SIK3: variants seen among roughly 807,000 people sequenced by gnomAD.
SIK3 encodes the protein serine/threonine-protein kinase SIK3.
In SIK3, 28 loss-of-function variants were observed where a neutral mutation model predicts 144.2. That is an observed-to-expected ratio of 0.19 (90% CI 0.14 to 0.27). SIK3 has a LOEUF of 0.27. Ranked by LOEUF, SIK3 falls within the 10% of genes least tolerant of loss-of-function variation. The pLI is 1.00. For missense variants in SIK3, 1,319 were observed against 1,776.0 expected (o/e 0.74, Z 4.62); for synonymous variants, 686 against 676.3 (o/e 1.01, Z -0.22).
At chr11:117,015,390 T>A (rs140483812) in intron 1 of SIK3, among the ~76,000 whole-genome samples, 2 of 152,132 alleles carry the variant, frequency 1.3e-5, no homozygotes, top group South Asian at 4.1e-4. Flanking sequence ...CTTAAACTGC[T>A]ATAACCACTT....
intron 3 of SIK3, among the ~76,000 whole-genome samples, chr11:116,953,080 G>A (rs1180139802): frequency 1.3e-5 from 2 of 151,828 alleles, no homozygotes; most frequent in Non-Finnish European, 2.9e-5. Context: ...ACACTAGATC[G>A]CTAGGGAAAC....
intron 21 of SIK3, among the ~76,000 whole-genome samples, chr11:116,851,431 G>T (rs1329405159): frequency 1.3e-5 from 2 of 152,178 alleles, no homozygotes; most frequent in Non-Finnish European, 2.9e-5. Context: ...AGGATTTCAG[G>T]TCTCTGTATT....
intron 1 of SIK3, among the ~76,000 whole-genome samples, chr11:116,978,672 A>AT (rs939830282): frequency 2.0e-5 from 3 of 151,274 alleles, no homozygotes; most frequent in South Asian, 2.1e-4. Context: ...CCCAGATAAT[A>AT]TTTTTTTTAA....
intron 1 of SIK3, among the ~76,000 whole-genome samples, chr11:117,027,126 C>T (rs1952044247): frequency 6.6e-6 from 1 of 152,156 alleles, no homozygotes; most frequent in African/African-American, 2.4e-5. Flanking sequence ...TACAGTCATC[C>T]AGATGCGATG....
intron 3 of SIK3, among the ~76,000 whole-genome samples, chr11:116,937,238 A>C (rs1377182331): frequency 1.3e-5 from 2 of 152,222 alleles, no homozygotes; most frequent in Non-Finnish European, 1.5e-5. Flanking sequence ...ACAAATATGC[A>C]TGTGTATGTA....
Position 116,861,291 on chromosome 11 carries a change from G to T in SIK3, c.2408C>A (p.Ala803Asp), listed in dbSNP as rs770743256. The change falls in exon 19 of 25, where the codon GCC (alanine) becomes GAC (aspartate). Residue 803 changes from alanine (A) to aspartate (D), a missense_variant. This residue lies in a region of SIK3 where 646 missense variants were observed against 763.7 expected (regional missense o/e 0.85). Transcript: ENST00000445177. ...PSNSPPPMSS[A>D]MIQPHGAASS... Reference sequence around the variant, plus strand: ...CCACTCACCGTGAGGCTGGATCATGGCACTGCTCATGGGGGGAGGACTATT... The same window carrying T: ...CCACTCACCGTGAGGCTGGATCATGTCACTGCTCATGGGGGGAGGACTATT... 5 of 1,594,436 alleles carry T rather than the reference G, an allele frequency of 3.1e-6. No homozygotes were observed. The South Asian group carries it at 5.7e-5, about 18-fold the overall frequency.
intron 3 of SIK3, among the ~76,000 whole-genome samples, chr11:116,932,040 C>T (rs774009165): frequency 2.6e-5 from 4 of 152,148 alleles, no homozygotes; most frequent in Admixed American, 1.3e-4. Flanking sequence ...ACTTTTATGG[C>T]ATCTTTCATT....
chr11:117,011,046 G>C (rs1951230751), intron 1 of SIK3, among the ~76,000 whole-genome samples: 1 of 152,170 alleles, frequency 6.6e-6, no homozygotes, highest in African/African-American at 2.4e-5. Flanking sequence ...CTTGAGCATG[G>C]GAGGCAGAGG....
chr11:116,893,632 C>T (rs944686696), intron 6 of SIK3, among the ~76,000 whole-genome samples: 1 of 152,028 alleles, frequency 6.6e-6, no homozygotes, highest in East Asian at 1.9e-4. Flanking sequence ...GATCACACCA[C>T]TGCATTCCAA....
chr11:117,014,237 T>TA (rs1405758389), intron 1 of SIK3, among the ~76,000 whole-genome samples: 2 of 151,946 alleles, frequency 1.3e-5, no homozygotes, highest in Non-Finnish European at 2.9e-5. Flanking sequence ...AACCAAGTCT[T>TA]ACATCTCTTA....
chr11:116,905,683 A>G (rs1945992191), intron 4 of SIK3, among the ~76,000 whole-genome samples: 1 of 152,200 alleles, frequency 6.6e-6, no homozygotes, highest in South Asian at 2.1e-4. Context: ...GATATCTTAC[A>G]GTGGTTTTCA....
chr11:116,954,192 A>C, intron 2 of SIK3, 85 bp from the exon 3 acceptor site: 74 of 1,020,552 alleles, frequency 7.3e-5, no homozygotes, highest in Non-Finnish European at 1.1e-4. Flanking sequence ...CTCTTTTCTC[A>C]TTTGAAATAT....
At chr11:116,926,404 C>T (rs944465376) in intron 4 of SIK3, among the ~76,000 whole-genome samples, 3 of 152,132 alleles carry the variant, frequency 2.0e-5, no homozygotes, top group African/African-American at 7.2e-5. Flanking sequence ...GTGAAAAGTG[C>T]TCTCAAGGCA....
chr11:117,080,512 C>T (rs1422996653), intron 1 of SIK3, among the ~76,000 whole-genome samples: 1 of 151,892 alleles, frequency 6.6e-6, no homozygotes, highest in Non-Finnish European at 1.5e-5. Context: ...AAATAAAATT[C>T]TTTTATTTTT....
intron 1 of SIK3, among the ~76,000 whole-genome samples, chr11:117,004,939 T>G (rs934697884): frequency 1.3e-5 from 2 of 152,200 alleles, no homozygotes; most frequent in African/African-American, 4.8e-5. Flanking sequence ...TAGATAAATC[T>G]AGTACGGCTA....
intron 1 of SIK3, among the ~76,000 whole-genome samples, chr11:116,971,601 A>T (rs1200435006): frequency 6.6e-6 from 1 of 152,234 alleles, no homozygotes; most frequent in Non-Finnish European, 1.5e-5. Flanking sequence ...AGTAGACAAT[A>T]AAATAATTCA....
chr11:116,880,986 T>C (rs1490761170), intron 6 of SIK3, among the ~76,000 whole-genome samples: 1 of 151,968 alleles, frequency 6.6e-6, no homozygotes, highest in African/African-American at 2.4e-5. Context: ...TAGCTGGGTG[T>C]GGTGGTACAC....
intron 3 of SIK3, among the ~76,000 whole-genome samples, chr11:116,942,884 T>C (rs574427461): frequency 2.8e-4 from 43 of 152,276 alleles, no homozygotes; most frequent in Non-Finnish European, 4.7e-4. Flanking sequence ...AGCTCAGTGG[T>C]AAGGTCCCAC....
At chr11:117,071,499 C>G (rs1430451420) in intron 1 of SIK3, among the ~76,000 whole-genome samples, 1 of 151,886 alleles carries the variant, frequency 6.6e-6, no homozygotes, top group African/African-American at 2.4e-5. Context: ...ACCAACGAAT[C>G]CCAATGTCTG....
Sources: gnomAD v4.1 joint callset for allele counts (sites outside exome capture counted in the v4.1 genomes callset) on GRCh38, gnomAD v4.1.1 for gene constraint, gnomAD v4.1.1 regional missense constraint, MANE v1.5 for transcripts, NCBI Gene and HGNC (gene_info 2026-07-23, HGNC 2026-07-21) for gene names.